Variants in MTMR8 observed in about 807,000 individuals in gnomAD.
MTMR8 encodes the protein myotubularin related protein 8.
Under a neutral mutation model 39.3 loss-of-function variants are expected in MTMR8, and 65 were observed. The ratio of observed to expected loss-of-function variants is 1.65; its 90% CI spans 1.35 to 2.03. The LOEUF is 2.03. Ranked by LOEUF, MTMR8 falls within the 30% of genes most tolerant of loss-of-function variation. The pLI, the probability that MTMR8 is intolerant of heterozygous loss-of-function variation, is 0.00. For synonymous variants in MTMR8, 245 were observed against 185.2 expected (o/e 1.32, Z -2.62); for missense variants, 777 against 538.9 (o/e 1.44, Z -4.37).
chrX:64,283,760 T>G (rs6524873), intron 12 of MTMR8, among the ~76,000 whole-genome samples: 27,127 of 111,935 alleles, frequency 0.24, 7,715 homozygotes, highest in African/African-American at 0.83. Context: ...TGCAGCTGAT[T>G]GTCCTGACTG....
At chrX:64,307,951 AATGAT>A (rs1200281288) in intron 12 of MTMR8, among the ~76,000 whole-genome samples, 1 of 111,971 alleles carries the variant, frequency 8.9e-6, no homozygotes, top group Admixed American at 9.5e-5. Context: ...AATGATTATG[AATGAT>A]ATATTTTTTA....
At chrX:64,306,510 T>A (rs1404573113) in intron 12 of MTMR8, 1 of 142,628 alleles carries the variant, frequency 7.0e-6, no homozygotes, top group Non-Finnish European at 1.4e-5. Context: ...TGAAGCATTT[T>A]GAATAATAGC....
At chrX:64,384,491 C>A (rs1450885009) in intron 1 of MTMR8, among the ~76,000 whole-genome samples, 1 of 112,190 alleles carries the variant, frequency 8.9e-6, no homozygotes, top group Non-Finnish European at 1.9e-5. Flanking sequence ...GCCCCTGTAG[C>A]AGGCTTCTGC....
At chrX:64,347,064 G>T (rs1284249066) in intron 6 of MTMR8, among the ~76,000 whole-genome samples, 1 of 110,862 alleles carries the variant, frequency 9.0e-6, no homozygotes, top group Non-Finnish European at 1.9e-5. Flanking sequence ...AGATGATATG[G>T]ATAAAGGCTG....
chrX:64,385,453 C>T (rs1010688405), intron 1 of MTMR8, among the ~76,000 whole-genome samples: 2 of 111,739 alleles, frequency 1.8e-5, no homozygotes, highest in East Asian at 2.8e-4. Flanking sequence ...CCCCACTCCT[C>T]GGTATCAATT....
chrX:64,303,357 A>G (rs1326203591), intron 12 of MTMR8, among the ~76,000 whole-genome samples: 1 of 112,058 alleles, frequency 8.9e-6, no homozygotes, highest in African/African-American at 3.2e-5. Context: ...TGCTGTTACT[A>G]GTTTTAAACT....
At chrX:64,304,641 C>G (rs1310683759) in intron 12 of MTMR8, among the ~76,000 whole-genome samples, 3 of 108,107 alleles carry the variant, frequency 2.8e-5, no homozygotes, top group Non-Finnish European at 5.7e-5. Context: ...TTCTCAGGCA[C>G]TGAAGATCTG....
chrX:64,312,255 C>T (rs1005820691), intron 12 of MTMR8, among the ~76,000 whole-genome samples: 1 of 111,596 alleles, frequency 9.0e-6, no homozygotes, highest in Non-Finnish European at 1.9e-5. Context: ...ATTTTATTCT[C>T]TTTGTAGCAA....
intron 12 of MTMR8, among the ~76,000 whole-genome samples, chrX:64,309,556 T>C (rs1402091032): frequency 8.9e-6 from 1 of 112,008 alleles, no homozygotes; most frequent in Non-Finnish European, 1.9e-5. Flanking sequence ...GTTTTATTTC[T>C]CCCTTTCCAA....
intron 12 of MTMR8, among the ~76,000 whole-genome samples, chrX:64,323,711 AT>A (rs200223212): frequency 9.0e-5 from 10 of 110,736 alleles, no homozygotes; most frequent in South Asian, 3.7e-4. Flanking sequence ...TTTCCAGTAT[AT>A]TTTTTTTTAC....
In MTMR8 at chrX:64,268,504, A is replaced by T. The variant is rs1276205353; in HGVS notation, c.*33T>A. The T allele has an allele frequency of 8.5e-7, 1 of 1,172,275 alleles. No individual in the cohort carries two copies. The highest frequency in any genetic ancestry group is 2.0e-5 in the South Asian group (1 of 50,443). ...GGACAAGAATCATTGTAGCTGCTGT[A>T]GGTATACCTAGCATGGAAGATGAGT... On this transcript the variant is annotated 3_prime_UTR_variant, in exon 14 of 14. Transcript: ENST00000374852.
chrX:64,367,066 T>A (rs1336254218), intron 1 of MTMR8, among the ~76,000 whole-genome samples: 1 of 111,620 alleles, frequency 9.0e-6, no homozygotes, highest in East Asian at 2.8e-4. Flanking sequence ...AGGAAGAAGT[T>A]GAATCTCTGA....
intron 3 of MTMR8, 40 bp downstream of exon 3, chrX:64,356,136 A>T (rs1923616211): frequency 4.3e-6 from 5 of 1,160,831 alleles, no homozygotes; most frequent in Non-Finnish European, 5.8e-6. Flanking sequence ...TTTTGGAAAA[A>T]TATTAAAATG....
At chrX:64,298,337 T>C (rs1285764378) in intron 12 of MTMR8, among the ~76,000 whole-genome samples, 1 of 96,864 alleles carries the variant, frequency 1.0e-5, no homozygotes, top group African/African-American at 4.1e-5. Context: ...TTATTCTCTT[T>C]GAAGCAATTG....
At chrX:64,273,610 T>A (rs1486366302) in intron 12 of MTMR8, among the ~76,000 whole-genome samples, 1 of 111,347 alleles carries the variant, frequency 9.0e-6, no homozygotes, top group Non-Finnish European at 1.9e-5. Flanking sequence ...CCCCTATCAA[T>A]AATTACTTGA....
intron 1 of MTMR8, among the ~76,000 whole-genome samples, chrX:64,371,920 T>C (rs759897455): frequency 1.8e-5 from 2 of 109,678 alleles, no homozygotes; most frequent in South Asian, 3.9e-4. Flanking sequence ...TTTGGTGCCA[T>C]TAAAAATTTT....
chrX:64,393,066 T>A (rs1602163195), intron 1 of MTMR8, among the ~76,000 whole-genome samples: 1 of 111,942 alleles, frequency 8.9e-6, no homozygotes, highest in African/African-American at 3.2e-5. Flanking sequence ...GAGTTTTTAT[T>A]TATATTTCAA....
chrX:64,299,063 G>A (rs1176714578), intron 12 of MTMR8, among the ~76,000 whole-genome samples: 182 of 64,526 alleles, frequency 2.8e-3, no homozygotes, highest in Non-Finnish European at 3.4e-3. Flanking sequence ...GTCTCTGCCC[G>A]GCTTTGGTAT....
At chrX:64,394,838 G>A (rs1924779978) in intron 1 of MTMR8, among the ~76,000 whole-genome samples, 2 of 112,293 alleles carry the variant, frequency 1.8e-5, no homozygotes, top group African/African-American at 3.2e-5. Context: ...ACCCTCACAG[G>A]CATGCCGTGG....
Sources: allele counts gnomAD v4.1 joint callset (sites outside exome capture counted in the v4.1 genomes callset), GRCh38; gene constraint gnomAD v4.1.1; transcripts MANE v1.5; gene names NCBI Gene and HGNC (gene_info 2026-07-23, HGNC 2026-07-21).